Variants in MCC observed in about 807,000 individuals in gnomAD.
MCC encodes the protein colorectal mutant cancer protein.
MCC carries 90 observed loss-of-function variants against 116.2 expected under a neutral mutation model. That is an observed-to-expected ratio of 0.77 (90% CI 0.65 to 0.92). The LOEUF (loss-of-function observed/expected upper bound fraction) is 0.92, where lower values mean the gene tolerates loss of function less well. MCC is among the 40% of genes least tolerant of loss of function. The probability of loss-of-function intolerance (pLI) is 0.00; values close to 1 mark genes in which losing one functional copy is unlikely to be tolerated. For synonymous variants in MCC, 578 were observed against 510.5 expected (o/e 1.13, Z -1.78); for missense variants, 1,516 against 1,312.2 (o/e 1.16, Z -2.40).
chr5:113,158,559 C>T (rs919189333), intron 3 of MCC, among the ~76,000 whole-genome samples: 12 of 152,102 alleles, frequency 7.9e-5, no homozygotes, highest in Non-Finnish European at 7.4e-5. Flanking sequence ...TAATAGTTAC[C>T]GTTTGCTGAA....
At chr5:113,160,348 T>C (rs891063207) in intron 3 of MCC, among the ~76,000 whole-genome samples, 1 of 152,178 alleles carries the variant, frequency 6.6e-6, no homozygotes, top group Non-Finnish European at 1.5e-5. Flanking sequence ...CCCCTGAAAA[T>C]ATGTCCCATC....
chr5:113,339,758 A>G (rs1236689626), intron 3 of MCC, among the ~76,000 whole-genome samples: 1 of 152,196 alleles, frequency 6.6e-6, no homozygotes, highest in Non-Finnish European at 1.5e-5. Context: ...GAGTTTGAAA[A>G]CCACTGGTCT....
chr5:113,400,267 C>T (rs1038192838), intron 1 of MCC, among the ~76,000 whole-genome samples: 9 of 151,372 alleles, frequency 5.9e-5, no homozygotes, highest in Admixed American at 2.0e-4. Flanking sequence ...GAATTGCAGG[C>T]GCCCGCCACT....
intron 14 of MCC, among the ~76,000 whole-genome samples, chr5:113,062,003 G>A (rs1264531665): frequency 1.3e-5 from 2 of 152,178 alleles, no homozygotes; most frequent in African/African-American, 2.4e-5. Flanking sequence ...CAGTCTAATT[G>A]CATCAGGTTC....
chr5:113,447,956 C>T (rs1771269981), intron 1 of MCC, among the ~76,000 whole-genome samples: 2 of 152,128 alleles, frequency 1.3e-5, no homozygotes, highest in South Asian at 4.1e-4. Context: ...CTCAGGAGAC[C>T]TATGGGCTTG....
intron 3 of MCC, among the ~76,000 whole-genome samples, chr5:113,205,514 C>A (rs1253050543): frequency 6.6e-6 from 1 of 152,232 alleles, no homozygotes; most frequent in Non-Finnish European, 1.5e-5. Context: ...TTTGTAAAAT[C>A]TGCTCTGTGT....
At chr5:113,428,866 G>C (rs975590616) in intron 1 of MCC, 13 of 152,220 alleles carry the variant, frequency 8.5e-5, no homozygotes, top group African/African-American at 3.1e-4. Context: ...ATAAAATTTA[G>C]CCATCTTAAT....
intron 2 of MCC, among the ~76,000 whole-genome samples, chr5:113,370,433 TAAG>T (rs1376046092): frequency 6.6e-6 from 1 of 152,204 alleles, no homozygotes; most frequent in Non-Finnish European, 1.5e-5. Flanking sequence ...AACTAGATAA[TAAG>T]GAGTATCAGA....
At chr5:113,127,755 T>C (rs953898390) in intron 5 of MCC, among the ~76,000 whole-genome samples, 4 of 152,224 alleles carry the variant, frequency 2.6e-5, no homozygotes, top group African/African-American at 7.2e-5. Context: ...CTTTGTTTGA[T>C]GCATAGTTTG....
At chr5:113,179,651 C>T (rs576496731) in intron 3 of MCC, among the ~76,000 whole-genome samples, 1 of 152,164 alleles carries the variant, frequency 6.6e-6, no homozygotes, top group Non-Finnish European at 1.5e-5. Flanking sequence ...TAATAACATG[C>T]AAGTTCTAGA....
chr5:113,428,198 A>G (rs564536271), intron 1 of MCC, among the ~76,000 whole-genome samples: 1 of 152,302 alleles, frequency 6.6e-6, no homozygotes. Flanking sequence ...AACCTCTAGT[A>G]CAAGGATGAT....
chr5:113,258,292 C>T (rs987754389), intron 3 of MCC, among the ~76,000 whole-genome samples: 1 of 152,178 alleles, frequency 6.6e-6, no homozygotes, highest in East Asian at 1.9e-4. Flanking sequence ...GTGGGTGGCA[C>T]TCAACATATT....
intron 6 of MCC, among the ~76,000 whole-genome samples, chr5:113,114,666 A>C (rs1339971522): frequency 2.6e-5 from 4 of 152,140 alleles, no homozygotes; most frequent in African/African-American, 7.2e-5. Flanking sequence ...TGGATGTCAG[A>C]AACTGTGGTT....
intron 2 of MCC, among the ~76,000 whole-genome samples, chr5:113,345,347 C>A (rs1607159): frequency 0.43 from 64,635 of 151,726 alleles, 15,075 homozygotes; most frequent in African/African-American, 0.61. Flanking sequence ...CACTGCCCTG[C>A]AGGTGAGCAC....
At chr5:113,123,739 G>C (rs1561375818) in intron 5 of MCC, among the ~76,000 whole-genome samples, 1 of 152,168 alleles carries the variant, frequency 6.6e-6, no homozygotes, top group East Asian at 1.9e-4. Flanking sequence ...GTCTTTGAAG[G>C]ATCTATTTTG....
At chr5:113,355,262 A>G (rs993988862) in intron 2 of MCC, among the ~76,000 whole-genome samples, 4 of 152,228 alleles carry the variant, frequency 2.6e-5, no homozygotes, top group African/African-American at 9.6e-5. Flanking sequence ...TACCAAAGCT[A>G]GAGGATACTC....
intron 3 of MCC, among the ~76,000 whole-genome samples, chr5:113,213,797 T>C (rs1763215329): frequency 6.6e-6 from 1 of 152,228 alleles, no homozygotes; most frequent in Admixed American, 6.5e-5. Flanking sequence ...ACAACTTCCC[T>C]TTGTTGCCTC....
intron 14 of MCC, among the ~76,000 whole-genome samples, chr5:113,062,495 C>T (rs1185512777): frequency 6.6e-6 from 1 of 152,292 alleles, no homozygotes; most frequent in East Asian, 1.9e-4. Flanking sequence ...ACTGAAACAG[C>T]ACACATTTCC....
At chr5:113,445,577 T>C (rs66502937) in intron 1 of MCC, among the ~76,000 whole-genome samples, 28,055 of 151,972 alleles carry the variant, frequency 0.18, 3,070 homozygotes, top group Admixed American at 0.31. Context: ...TATAAAACAC[T>C]GCTGAAAGAA....
Sources: allele counts gnomAD v4.1 joint callset (sites outside exome capture counted in the v4.1 genomes callset), GRCh38; gene constraint gnomAD v4.1.1; transcripts MANE v1.5; gene names NCBI Gene and HGNC (gene_info 2026-07-23, HGNC 2026-07-21).